The following CMSS1 variants were observed in gnomAD, a reference collection of about 807,000 sequenced individuals.
CMSS1 encodes cms1 ribosomal small subunit homolog, also known as protein CMSS1.
In CMSS1, 33 loss-of-function variants were observed where a neutral mutation model predicts 43.5. The observed-to-expected ratio is 0.76, with a 90% CI of 0.57 to 1.01. The LOEUF is 1.01. Ranked by LOEUF, CMSS1 falls within the 50% of genes least tolerant of loss-of-function variation. The probability of loss-of-function intolerance (pLI) is 0.00; values close to 1 mark genes in which losing one functional copy is unlikely to be tolerated. For synonymous variants in CMSS1, 115 were observed against 117.2 expected (o/e 0.98, Z 0.12); for missense variants, 313 against 326.4 (o/e 0.96, Z 0.32).
intron 1 of CMSS1, among the ~76,000 whole-genome samples, chr3:99,818,813 G>A (rs1200412754): frequency 1.3e-5 from 2 of 152,214 alleles, no homozygotes; most frequent in Admixed American, 1.3e-4. Context: ...GCTCTGCTGT[G>A]TTTACCAACT....
At chr3:100,064,074 C>T (rs1308816563) in intron 1 of CMSS1, among the ~76,000 whole-genome samples, 1 of 152,084 alleles carries the variant, frequency 6.6e-6, no homozygotes, top group African/African-American at 2.4e-5. Context: ...TTTGTTTGTT[C>T]TTTGTTTTGT....
intron 1 of CMSS1, chr3:99,848,743 A>G: frequency 6.2e-7 from 1 of 1,614,186 alleles, no homozygotes. Context: ...AAAGGTTGCC[A>G]TGGTAATTGG....
At chr3:100,117,761 T>C (rs1192489528) in intron 1 of CMSS1, among the ~76,000 whole-genome samples, 1 of 146,316 alleles carries the variant, frequency 6.8e-6, no homozygotes, top group Admixed American at 6.8e-5. Flanking sequence ...TTTTTTTTTT[T>C]ACCATCACAA....
At chr3:99,852,659 T>A (rs1559659997) in intron 1 of CMSS1, among the ~76,000 whole-genome samples, 1 of 152,112 alleles carries the variant, frequency 6.6e-6, no homozygotes, top group Non-Finnish European at 1.5e-5. Flanking sequence ...TTGGCCAGGA[T>A]GGTCTCGATC....
chr3:100,132,696 A>G (rs1559767269), intron 1 of CMSS1, among the ~76,000 whole-genome samples: 2 of 150,912 alleles, frequency 1.3e-5, no homozygotes, highest in Non-Finnish European at 1.5e-5. Flanking sequence ...GCGGGCGCCT[A>G]TAGTCCCAGC....
At chr3:100,078,010 C>G (rs2065876539) in intron 1 of CMSS1, among the ~76,000 whole-genome samples, 1 of 151,616 alleles carries the variant, frequency 6.6e-6, no homozygotes, top group South Asian at 2.1e-4. Flanking sequence ...TAACAGCCAG[C>G]TAAAACATTA....
intron 5 of CMSS1, among the ~76,000 whole-genome samples, chr3:100,167,242 G>A (rs1160584984): frequency 6.6e-6 from 1 of 152,104 alleles, no homozygotes; most frequent in Non-Finnish European, 1.5e-5. Context: ...GTAAATCTAG[G>A]TAATAATAGA....
chr3:99,882,372 G>C (rs1377147869), intron 1 of CMSS1, among the ~76,000 whole-genome samples: 1 of 152,104 alleles, frequency 6.6e-6, no homozygotes, highest in Non-Finnish European at 1.5e-5. Flanking sequence ...AAATAAAACT[G>C]TCTCATATAA....
rs144377333 is a variant in CMSS1, at chr3:100,006,422, A to G, written c.65-140551A>G. On this transcript the variant is annotated intron_variant, in intron 1 of 9. Coordinates refer to ENST00000421999, the MANE Select transcript of CMSS1 (RefSeq NM_032359.4). ...CTCCTTCCCCATAATTATCATAACT[A>G]TTACCCACAAATGGATAAATTTGGT... 7.1e-3 allele frequency among the ~76,000 whole-genome samples: 1,087 copies of G among 152,110 alleles called. 18 individuals are homozygous for G. The highest frequency in any genetic ancestry group is 0.025 in the African/African-American group (1,048 of 41,482).
intron 1 of CMSS1, among the ~76,000 whole-genome samples, chr3:100,014,300 T>A (rs1424341204): frequency 6.6e-6 from 1 of 152,116 alleles, no homozygotes. Context: ...CTGCAATGAA[T>A]ATGAGAATGT....
At chr3:99,848,896 G>A (rs1339913902) in intron 1 of CMSS1, 3 of 1,614,136 alleles carry the variant, frequency 1.9e-6, no homozygotes, top group Non-Finnish European at 2.5e-6. Flanking sequence ...GTAAGAGTGA[G>A]GACTCTCTGT....
intron 2 of CMSS1, among the ~76,000 whole-genome samples, chr3:100,157,521 G>C (rs2066986197): frequency 6.6e-6 from 1 of 152,202 alleles, no homozygotes; most frequent in Non-Finnish European, 1.5e-5. Context: ...AGGGTGATAG[G>C]ATAACAAGCT....
At chr3:99,996,710 A>G (rs1417412269) in intron 1 of CMSS1, among the ~76,000 whole-genome samples, 56 of 152,320 alleles carry the variant, frequency 3.7e-4, no homozygotes, top group Non-Finnish European at 1.6e-4. Flanking sequence ...AATGAGGAAG[A>G]TGCAAAAGCG....
At chr3:99,925,612 T>G (rs1707267729) in intron 1 of CMSS1, among the ~76,000 whole-genome samples, 2 of 152,178 alleles carry the variant, frequency 1.3e-5, no homozygotes, top group African/African-American at 4.8e-5. Context: ...AAGTAGGGAT[T>G]CAGAGAAGCT....
At chr3:99,839,189 TC>T (rs1943024007) in intron 1 of CMSS1, among the ~76,000 whole-genome samples, 1 of 152,184 alleles carries the variant, frequency 6.6e-6, no homozygotes, top group South Asian at 2.1e-4. Context: ...AACCTGCTCT[TC>T]CTCTAAAATC....
chr3:100,157,866 C>G (rs2066989613), intron 2 of CMSS1, among the ~76,000 whole-genome samples: 1 of 152,178 alleles, frequency 6.6e-6, no homozygotes. Flanking sequence ...AACTTTCAGC[C>G]AATCTCTTCT....
chr3:100,010,849 G>A (rs1021072988), intron 1 of CMSS1, among the ~76,000 whole-genome samples: 17 of 140,478 alleles, frequency 1.2e-4, no homozygotes, highest in African/African-American at 3.5e-4. Flanking sequence ...GGCTGGTCTC[G>A]AACTCCTGAC....
chr3:100,172,392 T>C lies in CMSS1; in HGVS notation c.656T>C (p.Leu219Pro). 6.2e-7 allele frequency: 1 copy of C among 1,613,560 alleles called. No individual in the cohort carries two copies. Among genetic ancestry groups the C allele is most frequent in the South Asian group, 1.1e-5 (1 of 91,052 alleles). The change falls in exon 8 of 10, where the codon CTT becomes CCT. Residue 219 changes from leucine (L) to proline (P), a missense_variant. Transcript: ENST00000421999. ...GVGTPGRIKE[L>P]VKQGGLNLSP... ...GGAACTCCGGGGAGAATTAAAGAAC[T>C]TGTTAAACAAGGTATGACAAGAGGG...
chr3:100,168,068 A>T (rs193126200), intron 6 of CMSS1, among the ~76,000 whole-genome samples: 1 of 152,344 alleles, frequency 6.6e-6, no homozygotes, highest in East Asian at 1.9e-4. Context: ...TGGCAAAGGG[A>T]TATAAGTAGA....
Sources: allele counts gnomAD v4.1 joint callset (sites outside exome capture counted in the v4.1 genomes callset), GRCh38; gene constraint gnomAD v4.1.1; transcripts MANE v1.5; gene names NCBI Gene and HGNC (gene_info 2026-07-23, HGNC 2026-07-21).